Variants in CHST6 observed in about 807,000 individuals in gnomAD.
The protein encoded by CHST6 is carbohydrate sulfotransferase 6.
For missense variants in CHST6, 698 were observed against 586.2 expected, an observed-to-expected ratio of 1.19 and a Z score of -1.97; for synonymous variants, 309 against 276.4, an observed-to-expected ratio of 1.12 and a Z score of -1.17.
In CHST6 at chr16:75,479,019, C is replaced by T; in HGVS notation, c.810G>A (p.Leu270=). ...CCCGCGCCAGGTCCTCGAAGCGCAC[C>T]AGGCGGTAGCGGCCGCGCAGAAAGG... ...PPPFLRGRYR[L]VRFEDLAREP... is the part of the protein sequence containing the mutation. Residue 270 remains leucine, a synonymous_variant, in exon 3 of 3, where the codon CTG becomes CTA. Coordinates refer to ENST00000332272, the MANE Select transcript of CHST6 (RefSeq NM_021615.5). The T allele has an allele frequency of 6.2e-7, 1 of 1,610,910 alleles. No homozygotes were observed. Among genetic ancestry groups the T allele is most frequent in the Non-Finnish European group, 8.5e-7 (1 of 1,179,882 alleles).
chr16:75,474,930 G>C lies in CHST6; in HGVS notation c.*3711C>G. ...CCTGTCTCAGCCTCCCAAGTAGCTG[G>C]CCTTACAGGCATGTGCCACCACACC... On this transcript the variant is annotated 3_prime_UTR_variant, in exon 3 of 3. Coordinates refer to ENST00000332272, the MANE Select transcript of CHST6 (RefSeq NM_021615.5). The C allele has an allele frequency of 2.8e-6, 1 of 360,322 alleles. No individual in the cohort carries two copies. The highest frequency in any genetic ancestry group is 4.0e-5 in the East Asian group (1 of 25,088). 22.3% of individuals were successfully genotyped at this position (360,322 alleles called of 1,614,324 possible).
chr16:75,481,232 T>C (rs2080138421), intron 2 of CHST6, among the ~76,000 whole-genome samples: 1 of 152,026 alleles, frequency 6.6e-6, no homozygotes, highest in South Asian at 2.1e-4. Flanking sequence ...GCTTTGATCA[T>C]GCCACTGCAC....
Position 75,478,926 on chromosome 16 carries a change from G to C in CHST6, c.903C>G (p.Ala301=), listed in dbSNP as rs779803338. ...ATCCGTGGGTGATGTTATGGATCCA[G>C]GCCTCGAGCTGTGGCGTGAGACTGA... The part of the protein sequence containing the change: ...TGLSLTPQLE[A]WIHNITHGSG... Residue 301 remains alanine, a synonymous_variant, in exon 3 of 3, where the codon GCC becomes GCG. Coordinates refer to ENST00000332272, the MANE Select transcript of CHST6 (RefSeq NM_021615.5). 3 of 1,613,164 alleles carry C rather than the reference G, an allele frequency of 1.9e-6. No homozygotes were observed. In the Admixed American group the frequency reaches 5.0e-5, roughly 27 times the overall value.
intron 1 of CHST6, among the ~76,000 whole-genome samples, chr16:75,493,190 C>T (rs1319835322): frequency 1.3e-5 from 2 of 151,870 alleles, no homozygotes; most frequent in African/African-American, 4.8e-5. Flanking sequence ...GTGCAAGTTA[C>T]TTCCTTCTGT....
rs2151665068 is a variant in CHST6 at position 75,478,532 on chromosome 16, C to G, written c.*109G>C. On this transcript the variant is annotated 3_prime_UTR_variant, in exon 3 of 3. Transcript: ENST00000332272. ...TACTTGGGGAGGGGGAGGGGTCGTA[C>G]CACAAACTCCTTGGTCAATATAGGG... 8.8e-7 allele frequency: 1 copy of G among 1,135,176 alleles called. No individual in the cohort carries two copies. Among genetic ancestry groups the G allele is most frequent in the East Asian group, 2.4e-5 (1 of 41,628 alleles). 70.3% of individuals were successfully genotyped at this position (1,135,176 alleles called of 1,614,324 possible). A position where few individuals can be genotyped will look rare whatever the true frequency, so the allele number is the denominator to read the frequency against.
At chr16:75,482,238 C>G (rs767275636) in intron 1 of CHST6, among the ~76,000 whole-genome samples, 7 of 152,160 alleles carry the variant, frequency 4.6e-5, no homozygotes, top group Non-Finnish European at 8.8e-5. Context: ...AACCACCAGC[C>G]CTTTCGTGGA....
rs1368242491 is a variant in CHST6, at chr16:75,474,141, C to T, written c.*4500G>A. 6.6e-6 allele frequency: 1 copy of T among 152,374 alleles called. No homozygotes were observed. Among genetic ancestry groups the T allele is most frequent in the Non-Finnish European group, 1.5e-5 (1 of 68,134 alleles). 9.4% of individuals were successfully genotyped at this position (152,374 alleles called of 1,614,324 possible). A position where few individuals can be genotyped will look rare whatever the true frequency, so the allele number is the denominator to read the frequency against. On this transcript the variant is annotated 3_prime_UTR_variant, in exon 3 of 3. Coordinates refer to ENST00000332272, the MANE Select transcript of CHST6 (RefSeq NM_021615.5). Reference sequence around the variant, plus strand: ...AGTGAGCCAAGATGGCGCCACTGCACTCCAGCCTGGGGGACAAGAGCAAGA... The same window carrying T: ...AGTGAGCCAAGATGGCGCCACTGCATTCCAGCCTGGGGGACAAGAGCAAGA...
Position 75,479,153 on chromosome 16 carries a change from G to T in CHST6, c.676C>A (p.Leu226Met). 1 of 1,607,288 alleles carries T rather than the reference G, an allele frequency of 6.2e-7. No homozygotes were observed. Reference sequence around the variant, plus strand: ...TCCACCCACGTGCCGTTGGTGCCCAGCACGATGCCGTTGTCACGCGCCAGA... The same window carrying T: ...TCCACCCACGTGCCGTTGGTGCCCATCACGATGCCGTTGTCACGCGCCAGA... ...KALARDNGIV[L>M]GTNGTWVEAD... Residue 226 changes from leucine to methionine, a missense_variant, in exon 3 of 3, where the codon CTG becomes ATG. Physicochemically the swap from Leu to Met is conservative, Grantham distance 15. Transcript: ENST00000332272.
At chr16:75,483,892 C>T (rs932562598) in intron 1 of CHST6, among the ~76,000 whole-genome samples, 4 of 151,924 alleles carry the variant, frequency 2.6e-5, no homozygotes, top group Admixed American at 6.6e-5. Context: ...AGTGCAGTGG[C>T]GCGGACCTGT....
rs140451442 is a variant in CHST6 at position 75,493,991 on chromosome 16, C to A, written c.-92+949G>T. 7.9e-5 allele frequency among the ~76,000 whole-genome samples: 12 copies of A among 152,272 alleles called. No individual in the cohort carries two copies. In the East Asian group the frequency reaches 2.1e-3, roughly 27 times the overall value. ...TCCCAAGTAGCTGGGATTACAGGCA[C>A]TCACCACCATGCCCAGCTTATTTTT... On this transcript the variant is annotated intron_variant, in intron 1 of 2. Coordinates refer to ENST00000332272, the MANE Select transcript of CHST6 (RefSeq NM_021615.5).
At chr16:75,482,154 TC>T (rs1236639500) in intron 1 of CHST6, among the ~76,000 whole-genome samples, 1 of 151,824 alleles carries the variant, frequency 6.6e-6, no homozygotes, top group African/African-American at 2.4e-5. Flanking sequence ...CTGGGGAGTC[TC>T]CCCCCAGAGG....
chr16:75,480,927 CAAAAAAAA>C (rs60465949), intron 2 of CHST6, among the ~76,000 whole-genome samples: 2 of 111,400 alleles, frequency 1.8e-5, no homozygotes, highest in African/African-American at 8.0e-5. Flanking sequence ...AACTTCATTC[CAAAAAAAA>C]AAAAAAAAAA....
chr16:75,478,987 A>G lies in CHST6; in HGVS notation c.842T>C (p.Leu281Pro), dbSNP rs1428845556. The G allele has an allele frequency of 6.2e-7, 1 of 1,612,522 alleles. No homozygotes were observed. The highest frequency in any genetic ancestry group is 1.3e-5 in the African/African-American group (1 of 74,936). The change falls in exon 3 of 3, where the codon CTG (leucine) becomes CCG (proline). Residue 281 changes from leucine (L) to proline (P), a missense_variant. Coordinates refer to ENST00000332272, the MANE Select transcript of CHST6 (RefSeq NM_021615.5). ...GGCGTAGAGCGCACGGATTTCTGCC[A>G]GCGGCTCCCGCGCCAGGTCCTCGAA... is the stretch of plus-strand genomic sequence containing the variant. ...VRFEDLAREP[L>P]AEIRALYAFT...
chr16:75,478,928 C>T lies in CHST6; in HGVS notation c.901G>A (p.Ala301Thr). ...TGLSLTPQLE[A>T]WIHNITHGSG... Reference sequence around the variant, plus strand: ...CCGTGGGTGATGTTATGGATCCAGGCCTCGAGCTGTGGCGTGAGACTGAGC... The same window carrying T: ...CCGTGGGTGATGTTATGGATCCAGGTCTCGAGCTGTGGCGTGAGACTGAGC... Residue 301 changes from alanine (A) to threonine (T), a missense_variant, in exon 3 of 3, where the codon GCC (alanine) becomes ACC (threonine). Physicochemically the swap from Ala to Thr is moderately conservative, Grantham distance 58. Transcript: ENST00000332272. 1 of 1,613,148 alleles carries T rather than the reference C, an allele frequency of 6.2e-7. No individual in the cohort carries two copies. Among genetic ancestry groups the T allele is most frequent in the Non-Finnish European group, 8.5e-7 (1 of 1,179,960 alleles).
At chr16:75,481,662 G>A (rs1019258854) in intron 2 of CHST6, among the ~76,000 whole-genome samples, 155 bp downstream of exon 2, 1 of 152,214 alleles carries the variant, frequency 6.6e-6, no homozygotes, top group Non-Finnish European at 1.5e-5. Context: ...TCACCGGTAG[G>A]GGGTGAAGTG....
rs1009721333 is a variant in CHST6, at chr16:75,495,422, C to A, written c.-574G>T. On this transcript the variant is annotated 5_prime_UTR_variant, in exon 1 of 3. Coordinates refer to ENST00000332272, the MANE Select transcript of CHST6 (RefSeq NM_021615.5). ...GCGCACACAATGAGGCGCTTTCAGA[C>A]GTGGCTGCGGTCCCGAGGTGGCCAG... The A allele has an allele frequency of 1.3e-5, 2 of 152,374 alleles. No homozygotes were observed. The highest frequency in any genetic ancestry group is 1.9e-4 in the East Asian group (1 of 5,168). The allele number at this position is 152,374 out of a possible 1,614,324, so 9.4% of individuals were successfully genotyped here.
rs531897879 is a variant in CHST6, at chr16:75,478,749, A to G, written c.1080T>C (p.Pro360=). 1 of 1,613,544 alleles carries G rather than the reference A, an allele frequency of 6.2e-7. No individual in the cohort carries two copies. Among genetic ancestry groups the G allele is most frequent in the East Asian group, 2.2e-5 (1 of 44,888 alleles). The change falls in exon 3 of 3, where the codon CCT becomes CCC. Residue 360 remains proline, a synonymous_variant. Transcript: ENST00000332272. ...AGALQLLGYR[P]VYSEDEQRNL... ...TGCGCTGCTCGTCCTCAGAGTACAC[A>G]GGCCGGTAGCCCAGCAGCTGCAGCG...
Position 75,478,738 on chromosome 16 carries a change from T to TA in CHST6, c.1090_1091insT (p.Glu364ValfsTer10). On this transcript the variant is annotated frameshift_variant, in exon 3 of 3. Coordinates refer to ENST00000332272, the MANE Select transcript of CHST6 (RefSeq NM_021615.5). LOFTEE classifies it low-confidence loss of function (END_TRUNC). ...AAGGGCGAGGTTGCGCTGCTCGTCC[T>TA]CAGAGTACACAGGCCGGTAGCCCAG... is the stretch of plus-strand genomic sequence containing the variant. 1 of 1,613,558 alleles carries TA rather than the reference T, an allele frequency of 6.2e-7. No homozygotes were observed. The highest frequency in any genetic ancestry group is 8.5e-7 in the Non-Finnish European group (1 of 1,180,028).
chr16:75,488,364 G>C (rs1006311959), intron 1 of CHST6, among the ~76,000 whole-genome samples: 1 of 152,074 alleles, frequency 6.6e-6, no homozygotes, highest in East Asian at 1.9e-4. Context: ...CTACTCCAGA[G>C]GCTGAGGCAG....
Sources: allele counts gnomAD v4.1 joint callset (sites outside exome capture counted in the v4.1 genomes callset), GRCh38; gene constraint gnomAD v4.1.1; transcripts MANE v1.5; gene names NCBI Gene and HGNC (gene_info 2026-07-23, HGNC 2026-07-21).